The following NRXN3 variants were observed in gnomAD, a reference collection of about 807,000 sequenced individuals.
The protein encoded by NRXN3 is neurexin III.
Under a neutral mutation model 137.6 loss-of-function variants are expected in NRXN3, and 32 were observed. The ratio of observed to expected loss-of-function variants is 0.23; its 90% CI spans 0.18 to 0.31. The LOEUF is 0.31. Among genes scored for constraint, NRXN3 ranks in the 10% least tolerant of loss-of-function variants. The pLI is 1.00. For missense variants in NRXN3, 1,574 were observed against 2,062.5 expected (o/e 0.76, Z 4.59); for synonymous variants, 798 against 784.5 (o/e 1.02, Z -0.29).
At chr14:78,254,418 T>C (rs1232354609) in intron 2 of NRXN3, among the ~76,000 whole-genome samples, 1 of 152,152 alleles carries the variant, frequency 6.6e-6, no homozygotes, top group Non-Finnish European at 1.5e-5. Flanking sequence ...CGGTGGCTCA[T>C]GCCTGTAATC....
At chr14:78,653,996 G>T (rs538149096) in intron 6 of NRXN3, among the ~76,000 whole-genome samples, 1 of 152,154 alleles carries the variant, frequency 6.6e-6, no homozygotes, top group African/African-American at 2.4e-5. Context: ...CTCCTGCCCC[G>T]TCTGTTTTCC....
At chr14:78,294,625 C>A (rs1305764139) in intron 3 of NRXN3, among the ~76,000 whole-genome samples, 5 of 149,946 alleles carry the variant, frequency 3.3e-5, no homozygotes, top group Admixed American at 1.3e-4. Flanking sequence ...TGTTAATCCT[C>A]AAAGTAACTT....
intron 10 of NRXN3, among the ~76,000 whole-genome samples, chr14:78,874,371 A>G (rs545786397): frequency 6.6e-6 from 1 of 152,264 alleles, no homozygotes; most frequent in Non-Finnish European, 1.5e-5. Context: ...AAGTAATGTA[A>G]TCAATGTGGA....
intron 1 of NRXN3, among the ~76,000 whole-genome samples, chr14:78,205,872 A>G (rs913781818): frequency 6.6e-5 from 10 of 152,228 alleles, no homozygotes; most frequent in African/African-American, 2.4e-4. Flanking sequence ...AGAGAGGACC[A>G]GGGCTGAATG....
intron 4 of NRXN3, among the ~76,000 whole-genome samples, chr14:78,519,367 G>C (rs1238776519): frequency 6.6e-6 from 1 of 152,048 alleles, no homozygotes; most frequent in Non-Finnish European, 1.5e-5. Flanking sequence ...CATCATTGTG[G>C]TAGATGTGTG....
chr14:79,031,841 T>G (rs1223655577), intron 15 of NRXN3, among the ~76,000 whole-genome samples: 1 of 152,176 alleles, frequency 6.6e-6, no homozygotes, highest in Non-Finnish European at 1.5e-5. Flanking sequence ...AATCAAATTA[T>G]CTCCAGTTTT....
At chr14:78,792,485 C>T (rs979567114) in intron 8 of NRXN3, among the ~76,000 whole-genome samples, 1 of 151,886 alleles carries the variant, frequency 6.6e-6, no homozygotes, top group African/African-American at 2.4e-5. Context: ...ATAATTAGAT[C>T]CCTGAAAGAG....
At chr14:78,218,101 A>G (rs2063477618) in intron 1 of NRXN3, among the ~76,000 whole-genome samples, 1 of 151,882 alleles carries the variant, frequency 6.6e-6, no homozygotes, top group Non-Finnish European at 1.5e-5. Flanking sequence ...ATTTCTTTTA[A>G]CTGGTTTGTA....
chr14:79,706,813 C>T (rs900202672), intron 19 of NRXN3, among the ~76,000 whole-genome samples: 3 of 152,122 alleles, frequency 2.0e-5, no homozygotes, highest in South Asian at 2.1e-4. Flanking sequence ...CCCCTTTCAC[C>T]GTTTCACCCC....
intron 20 of NRXN3, among the ~76,000 whole-genome samples, chr14:79,833,299 C>A (rs376132382): frequency 6.6e-6 from 1 of 152,034 alleles, no homozygotes; most frequent in African/African-American, 2.4e-5. Context: ...TAATAATGGT[C>A]TTTTATATTA....
chr14:78,562,802 G>T (rs545341915), intron 4 of NRXN3, among the ~76,000 whole-genome samples: 4 of 152,348 alleles, frequency 2.6e-5, no homozygotes, highest in African/African-American at 9.6e-5. Flanking sequence ...TAAAGTGATA[G>T]ATAACCATAA....
chr14:78,729,378 T>C (rs2098503477), intron 8 of NRXN3, among the ~76,000 whole-genome samples: 2 of 152,316 alleles, frequency 1.3e-5, no homozygotes, highest in African/African-American at 2.4e-5. Context: ...AGAAATGAGA[T>C]GGCTTTTTTT....
chr14:78,657,499 C>G (rs1401344620), intron 6 of NRXN3, among the ~76,000 whole-genome samples: 1 of 152,114 alleles, frequency 6.6e-6, no homozygotes, highest in East Asian at 1.9e-4. Flanking sequence ...CATGGCATCT[C>G]TAATGGGGAG....
intron 4 of NRXN3, among the ~76,000 whole-genome samples, chr14:78,532,012 T>G (rs2096467842): frequency 6.6e-6 from 1 of 152,022 alleles, no homozygotes; most frequent in Admixed American, 6.6e-5. Flanking sequence ...TCCTGCTTCA[T>G]GGAGAAAACT....
chr14:79,695,331 T>A (rs755417840), intron 18 of NRXN3, among the ~76,000 whole-genome samples: 13 of 152,142 alleles, frequency 8.5e-5, no homozygotes, highest in Non-Finnish European at 1.6e-4. Context: ...GATATTAGAA[T>A]GTAAGATTTT....
chr14:79,593,832 A>G (rs2097835204), intron 16 of NRXN3, among the ~76,000 whole-genome samples: 1 of 152,192 alleles, frequency 6.6e-6, no homozygotes, highest in Admixed American at 6.5e-5. Flanking sequence ...TTAACATTCA[A>G]TATAATATGA....
intron 20 of NRXN3, among the ~76,000 whole-genome samples, chr14:79,818,462 C>T (rs1461004754): frequency 6.6e-6 from 1 of 152,080 alleles, no homozygotes; most frequent in African/African-American, 2.4e-5. Flanking sequence ...AGGCTCTTAG[C>T]GAGAGCTTGG....
intron 19 of NRXN3, among the ~76,000 whole-genome samples, chr14:79,700,917 A>G (rs2098752262): frequency 6.6e-6 from 1 of 152,108 alleles, no homozygotes; most frequent in Non-Finnish European, 1.5e-5. Flanking sequence ...TGAATTTTAA[A>G]AAATTTAAGA....
intron 15 of NRXN3, among the ~76,000 whole-genome samples, chr14:79,442,907 A>G (rs1249989034): frequency 1.3e-5 from 2 of 152,176 alleles, no homozygotes; most frequent in Admixed American, 6.5e-5. Flanking sequence ...CCTGTACTGC[A>G]TTTCCCAGTG....
Sources: allele counts gnomAD v4.1 joint callset (sites outside exome capture counted in the v4.1 genomes callset), GRCh38; gene constraint gnomAD v4.1.1; transcripts MANE v1.5; gene names NCBI Gene and HGNC (gene_info 2026-07-23, HGNC 2026-07-21).